DRC11: variants seen among roughly 807,000 people sequenced by gnomAD.
The protein encoded by DRC11 is dynein regulatory complex subunit 11, also known as IQ and AAA domain-containing protein 1.
At chr2:236,344,858 G>A in the DRC11 span, among the ~76,000 whole-genome samples, 2 of 147,850 alleles carry the variant, frequency 1.4e-5, no homozygotes, top group East Asian at 4.1e-4. Flanking sequence ...GGTGTGCAGA[G>A]CCCTGGTTAT....
chr2:236,494,490 A>G, the DRC11 span, among the ~76,000 whole-genome samples: 1 of 152,214 alleles, frequency 6.6e-6, no homozygotes, highest in South Asian at 2.1e-4. The surrounding 1 kb of genome is among the most constrained non-coding windows in gnomAD (Gnocchi z 4.2). Flanking sequence ...AAAATTTATC[A>G]GTTCAAATTG....
chr2:236,452,306 C>T, the DRC11 span, among the ~76,000 whole-genome samples: 1 of 152,132 alleles, frequency 6.6e-6, no homozygotes, highest in Non-Finnish European at 1.5e-5. The surrounding 1 kb of genome is among the most constrained non-coding windows in gnomAD (Gnocchi z 4.7). Flanking sequence ...CAATCTTTCC[C>T]CTGAGGTCCA....
the DRC11 span, among the ~76,000 whole-genome samples, chr2:236,486,069 C>T: frequency 2.0e-5 from 3 of 152,290 alleles, no homozygotes; most frequent in East Asian, 5.8e-4. The surrounding 1 kb of genome is among the most constrained non-coding windows in gnomAD (Gnocchi z 5.7). Flanking sequence ...TCTGAGCAGC[C>T]CCCCTCTCCC....
At chr2:236,333,866 T>A in the DRC11 span, among the ~76,000 whole-genome samples, 1 of 152,312 alleles carries the variant, frequency 6.6e-6, no homozygotes. The surrounding 1 kb of genome is among the most constrained non-coding windows in gnomAD (Gnocchi z 6.0). Context: ...CCGTGGGGCC[T>A]GCCAGTTTCT....
the DRC11 span, among the ~76,000 whole-genome samples, chr2:236,345,796 G>T: frequency 6.6e-6 from 1 of 152,210 alleles, no homozygotes. Context: ...AAAAGCCATG[G>T]TGAATACAGC....
At chr2:236,465,640 TTCCGCAGGCGG>T in the DRC11 span, 2 of 1,613,680 alleles carry the variant, frequency 1.2e-6, no homozygotes, top group Non-Finnish European at 1.7e-6. The surrounding 1 kb of genome is among the most constrained non-coding windows in gnomAD (Gnocchi z 6.2). Context: ...CTGCACCTCA[TTCCGCAGGCGG>T]TCCACCTTTT....
At chr2:236,351,762 G>T in the DRC11 span, among the ~76,000 whole-genome samples, 1 of 152,066 alleles carries the variant, frequency 6.6e-6, no homozygotes, top group African/African-American at 2.4e-5. The surrounding 1 kb of genome is among the most constrained non-coding windows in gnomAD (Gnocchi z 7.3). Context: ...GCCCGCAGCG[G>T]GGGATAGGCA....
At chr2:236,346,199 G>C in the DRC11 span, among the ~76,000 whole-genome samples, 1 of 152,218 alleles carries the variant, frequency 6.6e-6, no homozygotes, top group Non-Finnish European at 1.5e-5. Context: ...AGTGTGGTGT[G>C]ATAACTGCAG....
the DRC11 span, chr2:236,419,196 G>T: frequency 6.5e-7 from 1 of 1,541,858 alleles, no homozygotes. This position sits in a 1 kb window ranked among gnomAD's most constrained non-coding sequence, Gnocchi z 4.8. Flanking sequence ...GCTTTCTTGG[G>T]TTGTTTTTCC....
At chr2:236,386,764 A>G in the DRC11 span, among the ~76,000 whole-genome samples, 1 of 148,602 alleles carries the variant, frequency 6.7e-6, no homozygotes, top group Non-Finnish European at 1.5e-5. Context: ...TAGGGTGTCA[A>G]TTTTGGATCT....
At chr2:236,318,567 ATG>A in the DRC11 span, among the ~76,000 whole-genome samples, 2 of 135,194 alleles carry the variant, frequency 1.5e-5, no homozygotes, top group South Asian at 2.1e-4. This position sits in a 1 kb window ranked among gnomAD's most constrained non-coding sequence, Gnocchi z 7.0. Flanking sequence ...GGAGTGGTCC[ATG>A]TGTGTGTTTG....
chr2:236,398,270 C>G, the DRC11 span, among the ~76,000 whole-genome samples: 1 of 152,194 alleles, frequency 6.6e-6, no homozygotes, highest in Non-Finnish European at 1.5e-5. The surrounding 1 kb of genome is among the most constrained non-coding windows in gnomAD (Gnocchi z 6.2). Context: ...TTTAGTTCAG[C>G]ATCTCATGCA....
chr2:236,497,838 T>C, the DRC11 span, among the ~76,000 whole-genome samples: 1 of 152,216 alleles, frequency 6.6e-6, no homozygotes, highest in Non-Finnish European at 1.5e-5. This position sits in a 1 kb window ranked among gnomAD's most constrained non-coding sequence, Gnocchi z 5.1. Flanking sequence ...TATACACAGC[T>C]GGTGAAGTAT....
At chr2:236,416,788 T>A in the DRC11 span, among the ~76,000 whole-genome samples, 2 of 132,338 alleles carry the variant, frequency 1.5e-5, no homozygotes, top group East Asian at 2.4e-4. Flanking sequence ...TGCGACAGAG[T>A]CTTACTCTGT....
At chr2:236,461,602 TGA>T in the DRC11 span, among the ~76,000 whole-genome samples, 2 of 152,200 alleles carry the variant, frequency 1.3e-5, no homozygotes, top group Non-Finnish European at 2.9e-5. The surrounding 1 kb of genome is among the most constrained non-coding windows in gnomAD (Gnocchi z 4.0). Flanking sequence ...GCAGTTTACA[TGA>T]GAGAGGGGGC....
At chr2:236,353,794 C>T in the DRC11 span, among the ~76,000 whole-genome samples, 24 of 151,042 alleles carry the variant, frequency 1.6e-4, no homozygotes, top group Non-Finnish European at 2.5e-4. This position sits in a 1 kb window ranked among gnomAD's most constrained non-coding sequence, Gnocchi z 5.0. Context: ...TGAGGTGCTG[C>T]GGGGTTAGGG....
At chr2:236,442,773 T>C in the DRC11 span, among the ~76,000 whole-genome samples, 2 of 152,210 alleles carry the variant, frequency 1.3e-5, no homozygotes, top group East Asian at 1.9e-4. Flanking sequence ...CTCCAACTCA[T>C]AGGAGTGAAT....
At chr2:236,327,910 G>A in the DRC11 span, among the ~76,000 whole-genome samples, 29,057 of 152,144 alleles carry the variant, frequency 0.19, 3,012 homozygotes, top group African/African-American at 0.24. Flanking sequence ...TCGAACTTCC[G>A]ACCTCAGGTG....
the DRC11 span, among the ~76,000 whole-genome samples, chr2:236,458,455 C>T: frequency 1.3e-5 from 2 of 152,234 alleles, no homozygotes. Context: ...CTTAGGGATG[C>T]ACAAACTATA....
Sources: gnomAD v4.1 joint callset for allele counts (sites outside exome capture counted in the v4.1 genomes callset) on GRCh38, gnomAD v4.1.1 for gene constraint, Gnocchi (gnomAD v3.1) non-coding constraint, MANE v1.5 for transcripts, NCBI Gene and HGNC (gene_info 2026-07-23, HGNC 2026-07-21) for gene names.